Variants in FAF1 observed in about 807,000 individuals in gnomAD.
FAF1 encodes Fas associated factor 1.
FAF1 carries 25 observed loss-of-function variants against 92.5 expected under a neutral mutation model. The ratio of observed to expected loss-of-function variants is 0.27; its 90% CI spans 0.20 to 0.38. FAF1 has a LOEUF of 0.38. Among genes scored for constraint, FAF1 ranks in the 10% least tolerant of loss-of-function variants. The pLI is 1.00. For missense variants in FAF1, 636 were observed against 793.3 expected (o/e 0.80, Z 2.38); for synonymous variants, 234 against 273.2 (o/e 0.86, Z 1.42).
chr1:50,751,663 C>G (rs990729342), intron 4 of FAF1, among the ~76,000 whole-genome samples: 1 of 152,094 alleles, frequency 6.6e-6, no homozygotes, highest in Non-Finnish European at 1.5e-5. Flanking sequence ...TGTAAACAAG[C>G]CACATGGCCT....
chr1:50,928,609 C>T lies in FAF1; in HGVS notation c.45+31158G>A, dbSNP rs138144556. Among the ~76,000 whole-genome samples, 1,205 of 150,562 alleles carry T rather than the reference C, an allele frequency of 8.0e-3. 14 individuals carry two copies. The highest frequency in any genetic ancestry group is 0.028 in the African/African-American group (1,165 of 40,920). On this transcript the variant is annotated intron_variant, in intron 1 of 18. Coordinates refer to ENST00000396153, the MANE Select transcript of FAF1 (RefSeq NM_007051.3). ...CCAGCCTGGCCAACATAGTGAAACC[C>T]CATCTCTACTAAAAATACAAAGTAT...
At chr1:50,922,576 T>C (rs1469470674) in intron 1 of FAF1, among the ~76,000 whole-genome samples, 1 of 151,212 alleles carries the variant, frequency 6.6e-6, no homozygotes, top group African/African-American at 2.4e-5. Context: ...CCAGCACTTT[T>C]GGGAAGCCGA....
chr1:50,490,440 G>GAAA (rs1557966670), intron 17 of FAF1, 148 bp downstream of exon 17: 1 of 487,696 alleles, frequency 2.1e-6, no homozygotes, highest in African/African-American at 2.4e-5. Flanking sequence ...AGGAAGGAAG[G>GAAA]AAGGAAGGAA....
At chr1:50,469,642 C>T (rs1646545760) in intron 18 of FAF1, 1 of 152,096 alleles carries the variant, frequency 6.6e-6, no homozygotes, top group African/African-American at 2.4e-5. Context: ...AAAAAAATCA[C>T]TCAAGAGACA....
intron 1 of FAF1, among the ~76,000 whole-genome samples, chr1:50,890,356 T>A (rs1399031091): frequency 6.6e-6 from 1 of 152,222 alleles, no homozygotes; most frequent in African/African-American, 2.4e-5. Context: ...ATTTAGCCCA[T>A]TTACATTTAA....
intron 1 of FAF1, among the ~76,000 whole-genome samples, chr1:50,858,512 C>T (rs1468187892): frequency 1.3e-5 from 2 of 151,686 alleles, no homozygotes; most frequent in South Asian, 4.1e-4. Context: ...TGTGGCTCAA[C>T]TGAGTTAAGA....
At chr1:50,581,619 AATAAGAG>A (rs150125839) in intron 12 of FAF1, among the ~76,000 whole-genome samples, 1,979 of 152,296 alleles carry the variant, frequency 0.013, 43 homozygotes, top group African/African-American at 0.044. Context: ...TAAGTGTAAC[AATAAGAG>A]ATAAGCAGAG....
intron 1 of FAF1, among the ~76,000 whole-genome samples, chr1:50,948,881 TC>T (rs1645192685): frequency 6.6e-6 from 1 of 152,158 alleles, no homozygotes; most frequent in African/African-American, 2.4e-5. Flanking sequence ...AATTCACTCA[TC>T]ACCAAGGGGA....
intron 8 of FAF1, among the ~76,000 whole-genome samples, chr1:50,651,574 C>T (rs978193212): frequency 6.6e-6 from 1 of 152,192 alleles, no homozygotes; most frequent in African/African-American, 2.4e-5. Context: ...AACCAATCCT[C>T]TACTCTGGCA....
At chr1:50,917,831 G>A (rs182730713) in intron 1 of FAF1, among the ~76,000 whole-genome samples, 57 of 152,224 alleles carry the variant, frequency 3.7e-4, no homozygotes, top group African/African-American at 1.3e-3. Flanking sequence ...CACACACTGG[G>A]AGAAAATGTT....
rs61200472 is a variant in FAF1 at position 50,742,153 on chromosome 1, T to TA, written c.459+2530dup. On this transcript the variant is annotated intron_variant, in intron 5 of 18. Transcript: ENST00000396153. ...GCAAGACCCTGTCTCTACAAAAATT[T>TA]AAAAAAAAAAAAAATTAGCCAGGCG... 9.8e-3 allele frequency among the ~76,000 whole-genome samples: 1,390 copies of TA among 141,880 alleles called. 18 individuals are homozygous for TA. The highest frequency in any genetic ancestry group is 0.03 in the African/African-American group (1,162 of 38,668). The allele number at this position is 141,880 out of a possible 152,430, so 93.1% of individuals were successfully genotyped here.
At chr1:50,825,720 T>G (rs1644090799) in intron 2 of FAF1, among the ~76,000 whole-genome samples, 1 of 152,150 alleles carries the variant, frequency 6.6e-6, no homozygotes, top group African/African-American at 2.4e-5. Flanking sequence ...GACTAGGCAT[T>G]CTTTTCATGT....
chr1:50,868,503 G>T (rs1215611062), intron 1 of FAF1, among the ~76,000 whole-genome samples: 1 of 152,058 alleles, frequency 6.6e-6, no homozygotes, highest in Non-Finnish European at 1.5e-5. Context: ...ATAGAGCAAT[G>T]ATTTTAATCC....
chr1:50,943,129 T>A (rs1645147085), intron 1 of FAF1, among the ~76,000 whole-genome samples: 1 of 152,216 alleles, frequency 6.6e-6, no homozygotes, highest in Non-Finnish European at 1.5e-5. Context: ...TGGCAGCTGA[T>A]AAATTTTCTC....
intron 2 of FAF1, among the ~76,000 whole-genome samples, chr1:50,834,137 C>T (rs546347599): frequency 3.3e-5 from 5 of 152,308 alleles, no homozygotes; most frequent in East Asian, 3.9e-4. Context: ...GTAGCACCCC[C>T]GCTTCGCCCT....
chr1:50,440,185 GA>G lies in FAF1; in HGVS notation c.*1254del, dbSNP rs1473297341. ...CAGGTGACACAAAAACAGATATGGAGAAATATTTCAAGACTAAAAATAAATC... is the reference window on the plus strand; with the variant it reads ...CAGGTGACACAAAAACAGATATGGAGAATATTTCAAGACTAAAAATAAATC... On this transcript the variant is annotated 3_prime_UTR_variant, in exon 19 of 19. Coordinates refer to ENST00000396153, the MANE Select transcript of FAF1 (RefSeq NM_007051.3). 1 of 152,174 alleles carries G rather than the reference GA, an allele frequency of 6.6e-6. No homozygotes were observed. The highest frequency in any genetic ancestry group is 1.5e-5 in the Non-Finnish European group (1 of 68,032). 9.4% of individuals were successfully genotyped at this position (152,174 alleles called of 1,614,324 possible). A position where few individuals can be genotyped will look rare whatever the true frequency, so the allele number is the denominator to read the frequency against.
intron 6 of FAF1, among the ~76,000 whole-genome samples, chr1:50,733,228 A>C (rs764915431): frequency 1.3e-5 from 2 of 152,132 alleles, no homozygotes; most frequent in Non-Finnish European, 2.9e-5. Flanking sequence ...TATTCTCATA[A>C]CTATTACCTA....
intron 8 of FAF1, among the ~76,000 whole-genome samples, chr1:50,621,744 C>T (rs1328421078): frequency 6.6e-6 from 1 of 152,054 alleles, no homozygotes; most frequent in African/African-American, 2.4e-5. Context: ...GGGCCAGCAC[C>T]TCCTAGAGGA....
chr1:50,597,291 C>T (rs1651867332), intron 8 of FAF1, among the ~76,000 whole-genome samples: 1 of 152,086 alleles, frequency 6.6e-6, no homozygotes, highest in Non-Finnish European at 1.5e-5. Flanking sequence ...TGAGAGAAGC[C>T]CACTGTCACC....
Sources: gnomAD v4.1 joint callset for allele counts (sites outside exome capture counted in the v4.1 genomes callset) on GRCh38, gnomAD v4.1.1 for gene constraint, MANE v1.5 for transcripts, NCBI Gene and HGNC (gene_info 2026-07-23, HGNC 2026-07-21) for gene names.